Variants in HAUS6 observed in about 807,000 individuals in gnomAD.
HAUS6 encodes HAUS augmin like complex subunit 6.
HAUS6 carries 80 observed loss-of-function variants against 106.8 expected under a neutral mutation model. That is an observed-to-expected ratio of 0.75 (90% CI 0.63 to 0.90). The LOEUF is 0.90. Among genes scored for constraint, HAUS6 ranks in the 40% least tolerant of loss-of-function variants. The pLI is 0.00. For missense variants in HAUS6, 1,155 were observed against 1,118.1 expected, an observed-to-expected ratio of 1.03 and a Z score of -0.47; for synonymous variants, 356 against 379.1, an observed-to-expected ratio of 0.94 and a Z score of 0.71.
chr9:19,087,100 T>G lies in HAUS6; in HGVS notation c.641A>C (p.Gln214Pro). The G allele has an allele frequency of 2.0e-6, 3 of 1,477,164 alleles. No homozygotes were observed. Among genetic ancestry groups the G allele is most frequent in the Non-Finnish European group, 2.8e-6 (3 of 1,055,590 alleles). The allele number at this position is 1,477,164 out of a possible 1,614,324, so 91.5% of individuals were successfully genotyped here. The change falls in exon 6 of 17, where the codon CAA becomes CCA. Residue 214 changes from glutamine (Q) to proline (P), a missense_variant. Gln to Pro is a moderately conservative substitution (Grantham distance 76). This residue lies in a region of HAUS6 where 761 missense variants were observed against 690.0 expected (regional missense o/e 1.10). Transcript: ENST00000380502. ...LRSECIGLEN[Q>P]IKKMEPYDDH... ...TCTAAAAGTCACTTACTTCTTTATT[T>G]GGTTTTCCAATCCTATACATTCAGA...
intron 2 of HAUS6, among the ~76,000 whole-genome samples, chr9:19,096,040 T>C (rs1398010100): frequency 6.6e-6 from 1 of 152,166 alleles, no homozygotes; most frequent in Non-Finnish European, 1.5e-5. Context: ...TTCATACGGA[T>C]TGATATCATT....
intron 11 of HAUS6, among the ~76,000 whole-genome samples, chr9:19,075,914 G>C (rs189392890): frequency 6.6e-6 from 1 of 151,336 alleles, no homozygotes; most frequent in Admixed American, 6.6e-5. Flanking sequence ...AGCTGAGATT[G>C]CGCCACTGCA....
chr9:19,094,540 C>T, intron 2 of HAUS6, 145 bp from the exon 3 acceptor site: 1 of 596,380 alleles, frequency 1.7e-6, no homozygotes, highest in East Asian at 2.9e-5. Flanking sequence ...ACTTTTAATC[C>T]CAGCACTTTG....
chr9:19,062,348 CAA>C (rs1425466609), intron 14 of HAUS6, among the ~76,000 whole-genome samples: 2 of 152,150 alleles, frequency 1.3e-5, no homozygotes, highest in Non-Finnish European at 2.9e-5. Context: ...ACAACACTGA[CAA>C]AAGTATTTTA....
chr9:19,057,692 T>G (rs1400053751), intron 16 of HAUS6: 1 of 411,072 alleles, frequency 2.4e-6, no homozygotes, highest in African/African-American at 2.0e-5. Flanking sequence ...ACATTTACTT[T>G]TCAGTCATTT....
At chr9:19,072,515 A>G (rs2131118725) in intron 11 of HAUS6, among the ~76,000 whole-genome samples, 1 of 152,266 alleles carries the variant, frequency 6.6e-6, no homozygotes, top group African/African-American at 2.4e-5. Flanking sequence ...TCTCAAAAAA[A>G]AAAAAAAATT....
intron 2 of HAUS6, among the ~76,000 whole-genome samples, chr9:19,096,236 T>C (rs1817858203): frequency 6.6e-6 from 1 of 152,166 alleles, no homozygotes; most frequent in African/African-American, 2.4e-5. Flanking sequence ...AATTTTGTAA[T>C]ATTCATTCAA....
rs1836397298 is a variant in HAUS6, at chr9:19,053,336, A to T, written c.*3007T>A. ...CTTCAATGCTTTTACATTGAGGAAA[A>T]CGTCATTAAACGTATTTTAATTTTA... is the stretch of plus-strand genomic sequence containing the variant. On this transcript the variant is annotated 3_prime_UTR_variant, in exon 17 of 17. Coordinates refer to ENST00000380502, the MANE Select transcript of HAUS6 (RefSeq NM_017645.5). 6.6e-6 allele frequency: 1 copy of T among 152,184 alleles called. No homozygotes were observed. The highest frequency in any genetic ancestry group is 6.5e-5 in the Admixed American group (1 of 15,284). The allele number at this position is 152,184 out of a possible 1,614,324, so 9.4% of individuals were successfully genotyped here. A position where few individuals can be genotyped will look rare whatever the true frequency, so the allele number is the denominator to read the frequency against.
At chr9:19,077,879 A>G (rs1202292643) in intron 10 of HAUS6, among the ~76,000 whole-genome samples, 2 of 152,062 alleles carry the variant, frequency 1.3e-5, no homozygotes, top group Non-Finnish European at 2.9e-5. Flanking sequence ...TTGGCAATAT[A>G]GGGAGACCCT....
intron 11 of HAUS6, among the ~76,000 whole-genome samples, chr9:19,072,867 G>A (rs1388370036): frequency 1.3e-5 from 2 of 151,658 alleles, no homozygotes; most frequent in Non-Finnish European, 2.9e-5. Context: ...AAAAAGACAG[G>A]CATTATTCTA....
At chr9:19,093,772 G>A (rs944111982) in intron 3 of HAUS6, among the ~76,000 whole-genome samples, 1 of 152,188 alleles carries the variant, frequency 6.6e-6, no homozygotes, top group Non-Finnish European at 1.5e-5. Context: ...AGGAGGCTGA[G>A]ATGGGAGAAT....
Position 19,059,012 on chromosome 9 carries a change from G to A in HAUS6, c.1766-11C>T, listed in dbSNP as rs924860069. 3 of 1,464,206 alleles carry A rather than the reference G, an allele frequency of 2.0e-6. No individual in the cohort carries two copies. The African/African-American group carries it at 4.2e-5, about 21-fold the overall frequency. The allele number at this position is 1,464,206 out of a possible 1,614,324, so 90.7% of individuals were successfully genotyped here. On this transcript the variant is annotated splice_polypyrimidine_tract_variant and intron_variant, in intron 15 of 16. Coordinates refer to ENST00000380502, the MANE Select transcript of HAUS6 (RefSeq NM_017645.5). ...TCCTAATTTCAGTTACTAATTAAAG[G>A]GGAGAAAAACACAGTTTACTAACAT...
intron 11 of HAUS6, among the ~76,000 whole-genome samples, chr9:19,072,248 A>C (rs10122990): frequency 0.45 from 68,235 of 151,010 alleles, 16,982 homozygotes; most frequent in African/African-American, 0.68. Flanking sequence ...TACGATGACT[A>C]ACACCTGTAA....
At chr9:19,063,934 C>A in intron 12 of HAUS6, 1 of 327,912 alleles carries the variant, frequency 3.0e-6, no homozygotes, top group Non-Finnish European at 5.9e-6. Context: ...TCACAGGTTC[C>A]AAATCACAGT....
rs774634236 is a variant in HAUS6, at chr9:19,083,063, A to G, written c.700-20T>C. 14 of 1,515,404 alleles carry G rather than the reference A, an allele frequency of 9.2e-6. No homozygotes were observed. The highest frequency in any genetic ancestry group is 4.0e-5 in the Admixed American group (2 of 49,390). The allele number at this position is 1,515,404 out of a possible 1,614,324, so 93.9% of individuals were successfully genotyped here. A position where few individuals can be genotyped will look rare whatever the true frequency, so the allele number is the denominator to read the frequency against. The stretch of plus-strand genomic sequence containing the variant: ...CCGAACCTTTGGAAACAGAAACAAA[A>G]TATTAAAGTCCACACATAATCTGTA... On this transcript the variant is annotated intron_variant, in intron 7 of 16. Coordinates refer to ENST00000380502, the MANE Select transcript of HAUS6 (RefSeq NM_017645.5).
intron 1 of HAUS6, among the ~76,000 whole-genome samples, 162 bp downstream of exon 1, chr9:19,102,362 A>G (rs1818008161): frequency 1.3e-5 from 2 of 152,222 alleles, no homozygotes; most frequent in Admixed American, 1.3e-4. Flanking sequence ...CTCTGCCCCT[A>G]GGCTGGCAGC....
Position 19,094,235 on chromosome 9 carries a change from G to A in HAUS6, c.303+82C>T, listed in dbSNP as rs1349543340. The A allele has an allele frequency of 1.1e-5, 8 of 758,494 alleles. No homozygotes were observed. The Admixed American group carries it at 1.2e-4, about 12-fold the overall frequency. The allele number at this position is 758,494 out of a possible 1,614,324, so 47.0% of individuals were successfully genotyped here. On this transcript the variant is annotated intron_variant, in intron 3 of 16. Coordinates refer to ENST00000380502, the MANE Select transcript of HAUS6 (RefSeq NM_017645.5). The stretch of plus-strand genomic sequence containing the variant: ...ACTGATAGCATTAAAGCATTAAAAG[G>A]ATTTCACCTCTAAAAAGTTAAAGAG...
At chr9:19,085,672 C>A (rs1311600835) in intron 7 of HAUS6, among the ~76,000 whole-genome samples, 1 of 151,790 alleles carries the variant, frequency 6.6e-6, no homozygotes, top group African/African-American at 2.4e-5. Flanking sequence ...AAGCCAAACT[C>A]TGGAGGCCTC....
At chr9:19,070,185 A>T (rs1304479455) in intron 12 of HAUS6, 34 bp downstream of exon 12, 1 of 1,161,406 alleles carries the variant, frequency 8.6e-7, no homozygotes, top group Non-Finnish European at 1.3e-6. Context: ...AGAGTTTTTT[A>T]ATGTTTAACA....
Sources: gnomAD v4.1 joint callset for allele counts (sites outside exome capture counted in the v4.1 genomes callset) on GRCh38, gnomAD v4.1.1 for gene constraint, gnomAD v4.1.1 regional missense constraint, MANE v1.5 for transcripts, NCBI Gene and HGNC (gene_info 2026-07-23, HGNC 2026-07-21) for gene names.